Variants in ZNRF2 observed in about 807,000 individuals in gnomAD.
The protein encoded by ZNRF2 is zinc and ring finger 2, also known as E3 ubiquitin-protein ligase ZNRF2.
A neutral mutation model predicts 20.4 loss-of-function variants in ZNRF2; 16 were observed. The ratio of observed to expected loss-of-function variants is 0.79; its 90% CI spans 0.53 to 1.19. The LOEUF (loss-of-function observed/expected upper bound fraction) is 1.19. Among genes scored for constraint, ZNRF2 ranks in the 50% most tolerant of loss-of-function variants. The pLI is 0.00. For synonymous variants in ZNRF2, 178 were observed against 144.9 expected, an observed-to-expected ratio of 1.23 and a Z score of -1.64; for missense variants, 363 against 332.4, an observed-to-expected ratio of 1.09 and a Z score of -0.72.
Position 30,363,758 on chromosome 7 carries a change from C to CT in ZNRF2, c.*22+1312dup, listed in dbSNP as rs146619947. Among the ~76,000 whole-genome samples the CT allele has an allele frequency of 5.2e-4, 76 of 145,374 alleles. 1 individual carries two copies. Among genetic ancestry groups the CT allele is most frequent in the South Asian group, 3.1e-3 (14 of 4,530 alleles). ...ACCTCAATTGGGTATTTTCATAGGG[C>CT]TTTTTTTTTTCACATTTCACAAGTG... On this transcript the variant is annotated intron_variant, in intron 4 of 4. Transcript: ENST00000323037.
chr7:30,363,662 AGTTTT>A (rs1800163551), intron 4 of ZNRF2, among the ~76,000 whole-genome samples: 1 of 152,152 alleles, frequency 6.6e-6, no homozygotes, highest in South Asian at 2.1e-4. Context: ...AAAAAAAACT[AGTTTT>A]GTTCTACTGA....
intron 4 of ZNRF2, among the ~76,000 whole-genome samples, chr7:30,365,149 T>TC (rs1396756007): frequency 3.8e-5 from 3 of 78,554 alleles, no homozygotes; most frequent in Non-Finnish European, 3.1e-5. Context: ...CTGATAAGCT[T>TC]TTTTTTTTTT....
intron 2 of ZNRF2, among the ~76,000 whole-genome samples, chr7:30,334,358 T>C (rs545941399): frequency 6.6e-6 from 1 of 152,324 alleles, no homozygotes; most frequent in Non-Finnish European, 1.5e-5. Context: ...TCTTTGTGTC[T>C]ATTTTTGTAC....
At chr7:30,304,130 C>T (rs777208950) in intron 1 of ZNRF2, among the ~76,000 whole-genome samples, 2 of 152,164 alleles carry the variant, frequency 1.3e-5, no homozygotes, top group Non-Finnish European at 2.9e-5. Flanking sequence ...TAGCTGAAGG[C>T]AAAAGCCAAC....
At chr7:30,305,586 T>G (rs1799187218) in intron 1 of ZNRF2, among the ~76,000 whole-genome samples, 1 of 152,172 alleles carries the variant, frequency 6.6e-6, no homozygotes, top group Non-Finnish European at 1.5e-5. Flanking sequence ...TTAGTTTCAT[T>G]TCTTGAACTC....
intron 2 of ZNRF2, among the ~76,000 whole-genome samples, chr7:30,353,842 T>C (rs971548088): frequency 2.6e-5 from 4 of 152,146 alleles, no homozygotes; most frequent in African/African-American, 9.7e-5. Context: ...TGAAGGTGGT[T>C]GTGAAACTTA....
intron 3 of ZNRF2, among the ~76,000 whole-genome samples, chr7:30,358,217 G>A (rs1034836945): frequency 5.9e-5 from 9 of 152,154 alleles, no homozygotes; most frequent in Admixed American, 3.3e-4. Context: ...AGTTCAGCAG[G>A]GTTGCCAGAT....
At chr7:30,321,064 A>C (rs149100658) in intron 1 of ZNRF2, among the ~76,000 whole-genome samples, 26 of 151,834 alleles carry the variant, frequency 1.7e-4, no homozygotes, top group Non-Finnish European at 3.7e-4. Context: ...TTATTCTTCT[A>C]TTTTCTTCCC....
At chr7:30,339,831 T>C (rs1799768863) in intron 2 of ZNRF2, among the ~76,000 whole-genome samples, 1 of 152,188 alleles carries the variant, frequency 6.6e-6, no homozygotes, top group Non-Finnish European at 1.5e-5. Context: ...GGGGATAGCA[T>C]TGACTCTATA....
intron 2 of ZNRF2, among the ~76,000 whole-genome samples, chr7:30,346,012 T>C (rs190672126): frequency 1.3e-5 from 2 of 152,090 alleles, no homozygotes; most frequent in African/African-American, 4.8e-5. Context: ...TTAGGAGCTC[T>C]TCCATGAGTA....
intron 1 of ZNRF2, among the ~76,000 whole-genome samples, chr7:30,297,212 A>C (rs1361256271): frequency 1.3e-5 from 2 of 152,122 alleles, no homozygotes; most frequent in Non-Finnish European, 2.9e-5. Flanking sequence ...GTATTGCCTG[A>C]ATTTCATTTT....
At chr7:30,312,382 T>A (rs754159186) in intron 1 of ZNRF2, among the ~76,000 whole-genome samples, 5 of 152,210 alleles carry the variant, frequency 3.3e-5, no homozygotes, top group Non-Finnish European at 5.9e-5. Context: ...TGCGTTCATG[T>A]GCATATGTAT....
chr7:30,364,965 G>A lies in ZNRF2; in HGVS notation c.*23-1070G>A, dbSNP rs189011162. Among the ~76,000 whole-genome samples, 103 of 152,152 alleles carry A rather than the reference G, an allele frequency of 6.8e-4. 1 individual carries two copies. The highest frequency in any genetic ancestry group is 8.2e-4 in the Non-Finnish European group (56 of 67,994). ...TATGGCACCTTCTGTGTGTCCTCAC[G>A]TGGTGGGATAACAGACTCCCTCAAG... On this transcript the variant is annotated intron_variant, in intron 4 of 4. Coordinates refer to ENST00000323037, the MANE Select transcript of ZNRF2 (RefSeq NM_147128.4).
intron 2 of ZNRF2, among the ~76,000 whole-genome samples, chr7:30,339,903 A>G (rs1799770168): frequency 6.6e-6 from 1 of 152,146 alleles, no homozygotes; most frequent in African/African-American, 2.4e-5. Flanking sequence ...TGAGCATGGA[A>G]TGTTTTTCCA....
intron 1 of ZNRF2, among the ~76,000 whole-genome samples, chr7:30,289,424 C>T (rs527350042): frequency 1.3e-4 from 20 of 152,120 alleles, no homozygotes; most frequent in Non-Finnish European, 2.5e-4. Flanking sequence ...ATATCAAGTG[C>T]CAAAATGTTT....
rs1800214391 is a variant in ZNRF2, at chr7:30,366,299, A to C, written c.*287A>C. ...CCCTTAATAGTCATCTACATAGGTA[A>C]TACTGATAAACATTTTGTATTCAGA... On this transcript the variant is annotated 3_prime_UTR_variant, in exon 5 of 5. Transcript: ENST00000323037. The C allele has an allele frequency of 6.6e-6, 1 of 152,646 alleles. No homozygotes were observed. Among genetic ancestry groups the C allele is most frequent in the African/African-American group, 2.4e-5 (1 of 41,456 alleles). The allele number at this position is 152,646 out of a possible 1,614,324, so 9.5% of individuals were successfully genotyped here. A position where few individuals can be genotyped will look rare whatever the true frequency, so the allele number is the denominator to read the frequency against.
rs540793647 is a variant in ZNRF2, at chr7:30,303,544, C to T, written c.469+17718C>T. 2.6e-5 allele frequency among the ~76,000 whole-genome samples: 4 copies of T among 152,214 alleles called. No individual in the cohort carries two copies. In the South Asian group the frequency reaches 8.3e-4, roughly 32 times the overall value. ...CTACTCACCCTTTGTTTTGTGTCTT[C>T]CAAGTCCCATTTTGCCTTGAGGTAT... On this transcript the variant is annotated intron_variant, in intron 1 of 4. Coordinates refer to ENST00000323037, the MANE Select transcript of ZNRF2 (RefSeq NM_147128.4).
intron 1 of ZNRF2, among the ~76,000 whole-genome samples, chr7:30,286,443 T>C (rs917898384): frequency 6.6e-6 from 1 of 152,206 alleles, no homozygotes; most frequent in African/African-American, 2.4e-5. Context: ...TCCTGCTTAA[T>C]TTGGAAAGCA....
At chr7:30,355,492 T>C (rs1192420113) in intron 2 of ZNRF2, among the ~76,000 whole-genome samples, 3 of 152,152 alleles carry the variant, frequency 2.0e-5, no homozygotes, top group Non-Finnish European at 4.4e-5. Context: ...TTTTGCTTAC[T>C]GTAATGCTTC....
Sources: gnomAD v4.1 joint callset for allele counts (sites outside exome capture counted in the v4.1 genomes callset) on GRCh38, gnomAD v4.1.1 for gene constraint, MANE v1.5 for transcripts, NCBI Gene and HGNC (gene_info 2026-07-23, HGNC 2026-07-21) for gene names.